GRIK2: variants seen among roughly 807,000 people sequenced by gnomAD.
The protein encoded by GRIK2 is glutamate ionotropic receptor kainate type subunit 2, also known as glutamate receptor ionotropic, kainate 2.
GRIK2 carries 32 observed loss-of-function variants against 100.3 expected under a neutral mutation model. The ratio of observed to expected loss-of-function variants is 0.32; its 90% CI spans 0.24 to 0.43. GRIK2 has a LOEUF of 0.43. Ranked by LOEUF, GRIK2 falls within the 20% of genes least tolerant of loss-of-function variation. GRIK2 has a pLI of 1.00. For synonymous variants in GRIK2, 417 were observed against 389.4 expected (o/e 1.07, Z -0.83); for missense variants, 843 against 1,114.9 (o/e 0.76, Z 3.47).
At chr6:101,672,221 A>T (rs188810686) in intron 4 of GRIK2, among the ~76,000 whole-genome samples, 1 of 152,252 alleles carries the variant, frequency 6.6e-6, no homozygotes, top group Admixed American at 6.5e-5. Context: ...AACAGCAATG[A>T]TCTTGTTAAA....
At chr6:102,057,440 G>A (rs894347759) in intron 16 of GRIK2, among the ~76,000 whole-genome samples, 4 of 151,840 alleles carry the variant, frequency 2.6e-5, no homozygotes, top group African/African-American at 9.7e-5. Flanking sequence ...TTGTTATTAC[G>A]AACACGTTTA....
intron 14 of GRIK2, among the ~76,000 whole-genome samples, chr6:101,996,687 A>G (rs1301561282): frequency 6.6e-6 from 1 of 152,114 alleles, no homozygotes; most frequent in African/African-American, 2.4e-5. Flanking sequence ...AATCTGATGT[A>G]CTTTATTCAA....
At chr6:101,922,150 TCCC>T (rs1431044309) in intron 12 of GRIK2, among the ~76,000 whole-genome samples, 5 of 139,700 alleles carry the variant, frequency 3.6e-5, no homozygotes, top group South Asian at 2.5e-4. Flanking sequence ...CCTCCCTTCC[TCCC>T]TCACTCCTTC....
intron 7 of GRIK2, among the ~76,000 whole-genome samples, chr6:101,792,847 A>G (rs955660645): frequency 2.0e-5 from 3 of 152,044 alleles, no homozygotes; most frequent in Non-Finnish European, 4.4e-5. Context: ...AGGTACACCA[A>G]TCAGATGTAG....
chr6:101,709,792 T>C (rs1773577888), intron 7 of GRIK2, among the ~76,000 whole-genome samples: 1 of 151,768 alleles, frequency 6.6e-6, no homozygotes, highest in African/African-American at 2.4e-5. Context: ...AAATCATATG[T>C]TTCTATTTTC....
intron 7 of GRIK2, among the ~76,000 whole-genome samples, chr6:101,743,694 T>C (rs1776192090): frequency 6.6e-6 from 1 of 152,082 alleles, no homozygotes; most frequent in African/African-American, 2.4e-5. Context: ...TGATAACAAG[T>C]GCCCTATGTA....
intron 14 of GRIK2, among the ~76,000 whole-genome samples, chr6:101,967,285 A>G (rs1200103730): frequency 6.6e-6 from 1 of 152,026 alleles, no homozygotes; most frequent in Non-Finnish European, 1.5e-5. Context: ...AAGTCATATA[A>G]CTGTTTTTCT....
At chr6:101,466,973 A>G (rs190249521) in intron 2 of GRIK2, among the ~76,000 whole-genome samples, 7 of 152,288 alleles carry the variant, frequency 4.6e-5, no homozygotes, top group Admixed American at 2.0e-4. Context: ...TTCTTCTGAG[A>G]TTTGATCTAA....
chr6:101,992,817 A>G (rs2128492626), intron 14 of GRIK2, among the ~76,000 whole-genome samples: 1 of 151,704 alleles, frequency 6.6e-6, no homozygotes, highest in Non-Finnish European at 1.5e-5. Flanking sequence ...AACTTATAAA[A>G]CTTGCTTTTA....
intron 12 of GRIK2, among the ~76,000 whole-genome samples, chr6:101,898,006 AAAG>A (rs1787583513): frequency 6.6e-6 from 1 of 151,842 alleles, no homozygotes; most frequent in South Asian, 2.1e-4. Flanking sequence ...TTGAGAGAAA[AAAG>A]AAGAAAACTA....
chr6:101,592,588 CATATAT>C (rs3056161), intron 2 of GRIK2, among the ~76,000 whole-genome samples: 5,652 of 101,796 alleles, frequency 0.056, 250 homozygotes, highest in African/African-American at 0.058. Context: ...ACTAATATCA[CATATAT>C]ATATATATAT....
chr6:101,983,833 C>A (rs1052059005), intron 14 of GRIK2, among the ~76,000 whole-genome samples: 4 of 151,530 alleles, frequency 2.6e-5, no homozygotes, highest in Admixed American at 6.6e-5. Context: ...TTTTTGGAAA[C>A]CTTAGACTTC....
chr6:101,647,617 A>G (rs1038619194), intron 4 of GRIK2, among the ~76,000 whole-genome samples: 10 of 152,192 alleles, frequency 6.6e-5, no homozygotes, highest in Non-Finnish European at 1.5e-4. Flanking sequence ...CTGAACCAGC[A>G]TAATGTCACT....
chr6:101,792,485 A>G (rs1235000596), intron 7 of GRIK2, among the ~76,000 whole-genome samples: 1 of 151,884 alleles, frequency 6.6e-6, no homozygotes, highest in East Asian at 1.9e-4. Flanking sequence ...TTGGCTGGAT[A>G]TGAAATTCTG....
chr6:101,556,596 T>C (rs1776763655), intron 2 of GRIK2, among the ~76,000 whole-genome samples: 1 of 152,154 alleles, frequency 6.6e-6, no homozygotes, highest in Non-Finnish European at 1.5e-5. Flanking sequence ...TTATTATTGA[T>C]AATAGCTGCC....
chr6:101,858,787 T>C (rs1204949838), intron 10 of GRIK2, among the ~76,000 whole-genome samples: 1 of 152,012 alleles, frequency 6.6e-6, no homozygotes, highest in Non-Finnish European at 1.5e-5. Flanking sequence ...TGTGATTATA[T>C]ATATAAAAAG....
chr6:101,867,826 T>C (rs911926622), intron 11 of GRIK2, among the ~76,000 whole-genome samples: 24 of 151,590 alleles, frequency 1.6e-4, no homozygotes, highest in African/African-American at 5.8e-4. Context: ...AAGAAATTGT[T>C]TCCCTAATAA....
At chr6:101,950,244 C>T (rs1791526451) in intron 14 of GRIK2, among the ~76,000 whole-genome samples, 1 of 151,964 alleles carries the variant, frequency 6.6e-6, no homozygotes, top group African/African-American at 2.4e-5. Context: ...ATCTCTTCTC[C>T]CTCTAAGTTA....
intron 10 of GRIK2, among the ~76,000 whole-genome samples, chr6:101,826,405 G>T (rs1450110367): frequency 1.3e-5 from 2 of 152,070 alleles, no homozygotes; most frequent in Non-Finnish European, 2.9e-5. Context: ...AAGCCTAGAA[G>T]CAGGGATGAT....
Sources: gnomAD v4.1 joint callset for allele counts (sites outside exome capture counted in the v4.1 genomes callset) on GRCh38, gnomAD v4.1.1 for gene constraint, MANE v1.5 for transcripts, NCBI Gene and HGNC (gene_info 2026-07-23, HGNC 2026-07-21) for gene names.